PDE6B: variants seen among roughly 807,000 people sequenced by gnomAD.
PDE6B encodes the protein phosphodiesterase 6B.
Under a neutral mutation model 109.0 loss-of-function variants are expected in PDE6B, and 106 were observed. The observed-to-expected ratio is 0.97, with a 90% CI of 0.83 to 1.14. PDE6B has a LOEUF of 1.14. Ranked by LOEUF, PDE6B falls within the 50% of genes most tolerant of loss-of-function variation. The pLI is 0.00. For synonymous variants in PDE6B, 490 were observed against 471.3 expected, an observed-to-expected ratio of 1.04 and a Z score of -0.51; for missense variants, 1,193 against 1,155.6, an observed-to-expected ratio of 1.03 and a Z score of -0.47.
intron 3 of PDE6B, among the ~76,000 whole-genome samples, chr4:650,465 AT>A (rs1305768278): frequency 1.3e-5 from 2 of 152,142 alleles, no homozygotes; most frequent in African/African-American, 4.8e-5. Flanking sequence ...CTCCCCTTCG[AT>A]CTGGAGTTGG....
chr4:662,257 A>T lies in PDE6B; in HGVS notation c.1722+16A>T. The T allele has an allele frequency of 6.9e-7, 1 of 1,443,232 alleles. No homozygotes were observed. The highest frequency in any genetic ancestry group is 9.6e-7 in the Non-Finnish European group (1 of 1,046,728). 89.4% of individuals were successfully genotyped at this position (1,443,232 alleles called of 1,614,324 possible). A position where few individuals can be genotyped will look rare whatever the true frequency, so the allele number is the denominator to read the frequency against. On this transcript the variant is annotated intron_variant, in intron 13 of 21. Coordinates refer to ENST00000496514, the MANE Select transcript of PDE6B (RefSeq NM_000283.4). The surrounding 1 kb of genome is among the most constrained non-coding windows in gnomAD (Gnocchi z 4.3). ...GCTGCTCATGGTACGTGGCTGCCAG[A>T]ATCACCAGGGTTGTGCAGGCCCTCC...
rs1323816291 is a variant in PDE6B, at chr4:653,475, AC to A, written c.712-375del. The A allele has an allele frequency of 5.6e-6, 3 of 536,282 alleles. No individual in the cohort carries two copies. The East Asian group carries it at 1.9e-4, about 33-fold the overall frequency. 33.2% of individuals were successfully genotyped at this position (536,282 alleles called of 1,614,324 possible). A position where few individuals can be genotyped will look rare whatever the true frequency, so the allele number is the denominator to read the frequency against. On this transcript the variant is annotated intron_variant, in intron 3 of 21. Transcript: ENST00000496514. Reference sequence around the variant, plus strand: ...GCCACAGGCGGCCTGACGTGCGGAAACCACGGCCCGATGTTCTCAAAGCCCT... The same window carrying A: ...GCCACAGGCGGCCTGACGTGCGGAAACACGGCCCGATGTTCTCAAAGCCCT...
At chr4:643,840 T>G (rs1560109374) in intron 3 of PDE6B, among the ~76,000 whole-genome samples, 3 of 151,608 alleles carry the variant, frequency 2.0e-5, no homozygotes. Context: ...TACTATAAAT[T>G]TCCCTCCAAG....
chr4:649,782 T>C (rs1408237329), intron 3 of PDE6B, among the ~76,000 whole-genome samples: 2 of 152,126 alleles, frequency 1.3e-5, no homozygotes, highest in African/African-American at 4.8e-5. Flanking sequence ...CTCCACTGGC[T>C]GGGCAGCCAG....
Position 660,521 on chromosome 4 carries a change from G to A in PDE6B, c.1522G>A (p.Asp508Asn), listed in dbSNP as rs1420199358. The A allele has an allele frequency of 6.2e-7, 1 of 1,613,782 alleles. No homozygotes were observed. Among genetic ancestry groups the A allele is most frequent in the Non-Finnish European group, 8.5e-7 (1 of 1,179,798 alleles). Residue 508 changes from aspartate (D) to asparagine (N), a missense_variant, in exon 12 of 22, where the codon GAC becomes AAC. Transcript: ENST00000496514. Reference protein sequence around the residue: ...TFDIYEFHFSDLECTELDLVK... With the variant: ...TFDIYEFHFSNLECTELDLVK... ...TGACATCTACGAATTCCACTTCTCT[G>A]ACCTGGAGTGCACCGAACTGGACCT...
chr4:662,406 G>A lies in PDE6B; in HGVS notation c.1723-103G>A, dbSNP rs1358469471. On this transcript the variant is annotated intron_variant, in intron 13 of 21. Coordinates refer to ENST00000496514, the MANE Select transcript of PDE6B (RefSeq NM_000283.4). The surrounding 1 kb of genome is among the most constrained non-coding windows in gnomAD (Gnocchi z 4.3). ...CGCGCACCCCAGCCCTGCGGTGGTC[G>A]GAGGTCCAACCTCCAACCCGACGCC... The A allele has an allele frequency of 1.5e-5, 13 of 891,514 alleles. No homozygotes were observed. The highest frequency in any genetic ancestry group is 9.4e-5 in the Admixed American group (5 of 52,984). The allele number at this position is 891,514 out of a possible 1,614,324, so 55.2% of individuals were successfully genotyped here. A position where few individuals can be genotyped will look rare whatever the true frequency, so the allele number is the denominator to read the frequency against.
intron 6 of PDE6B, chr4:655,612 C>T (rs1050645039): frequency 1.1e-5 from 5 of 451,484 alleles, no homozygotes; most frequent in Admixed American, 3.5e-5. Context: ...TCCTCCAACC[C>T]ACGCCCTGGC....
chr4:661,072 T>A (rs1215243758), intron 12 of PDE6B: 1 of 180,578 alleles, frequency 5.5e-6, no homozygotes, highest in Non-Finnish European at 1.2e-5. Context: ...GATGGTTGGA[T>A]AAGTGAATGG....
At chr4:649,385 C>T (rs1318090612) in intron 3 of PDE6B, among the ~76,000 whole-genome samples, 1 of 152,108 alleles carries the variant, frequency 6.6e-6, no homozygotes, top group Non-Finnish European at 1.5e-5. Flanking sequence ...CTAGATTTGT[C>T]AAGGCCCTGG....
Position 636,243 on chromosome 4 carries a change from C to T in PDE6B, c.711+274C>T, listed in dbSNP as rs1286590519. ...AGGGGCACCTTTCCTAGAGGCTGCC[C>T]CCAACCTCCTTGGGAGAAGCCAGTA... On this transcript the variant is annotated intron_variant, in intron 3 of 21. Coordinates refer to ENST00000496514, the MANE Select transcript of PDE6B (RefSeq NM_000283.4). This position sits in a 1 kb window ranked among gnomAD's most constrained non-coding sequence, Gnocchi z 4.5. Among the ~76,000 whole-genome samples the T allele has an allele frequency of 6.6e-6, 1 of 152,200 alleles. No individual in the cohort carries two copies. The highest frequency in any genetic ancestry group is 1.5e-5 in the Non-Finnish European group (1 of 68,028).
At chr4:656,756 A>G in intron 8 of PDE6B, 118 bp from the exon 9 acceptor site, 1 of 866,620 alleles carries the variant, frequency 1.2e-6, no homozygotes, top group Non-Finnish European at 1.9e-6. Flanking sequence ...AGAGACAGGA[A>G]CACGAGCCCA....
chr4:658,562 TG>T (rs2109229194), intron 10 of PDE6B, among the ~76,000 whole-genome samples: 1 of 152,138 alleles, frequency 6.6e-6, no homozygotes, highest in African/African-American at 2.4e-5. Flanking sequence ...CTCTGTGTGG[TG>T]GGGACACGGC....
At position 665,160 on chromosome 4, in the gene PDE6B, C is replaced by A; in HGVS notation, c.2194-95C>A. 2 of 984,178 alleles carry A rather than the reference C, an allele frequency of 2.0e-6. No homozygotes were observed. The highest frequency in any genetic ancestry group is 3.2e-6 in the Non-Finnish European group (2 of 618,248). 61.0% of individuals were successfully genotyped at this position (984,178 alleles called of 1,614,324 possible). ...TGGTGGGGACCCCGGGGGTCTGGGG[C>A]GGAGAAGACCGAGGCTCGGAGCCTC... On this transcript the variant is annotated intron_variant, in intron 18 of 21. Transcript: ENST00000496514. This position sits in a 1 kb window ranked among gnomAD's most constrained non-coding sequence, Gnocchi z 4.0.
intron 2 of PDE6B, among the ~76,000 whole-genome samples, chr4:635,313 G>A (rs542584673): frequency 3.7e-5 from 5 of 134,938 alleles, no homozygotes; most frequent in Admixed American, 7.3e-5. Context: ...GCCTGCCCGC[G>A]TGTTCTGTGC....
chr4:660,686 G>A (rs1184638487), intron 12 of PDE6B, 73 bp downstream of exon 12: 1 of 1,350,046 alleles, frequency 7.4e-7, no homozygotes, highest in African/African-American at 1.4e-5. Context: ...ATGTGATCAG[G>A]GCCTCAGGTG....
Position 654,073 on chromosome 4 carries a change from T to C in PDE6B, c.853-7T>C, listed in dbSNP as rs1244005479. 6.2e-7 allele frequency: 1 copy of C among 1,613,890 alleles called. No homozygotes were observed. On this transcript the variant is annotated splice_region_variant and splice_polypyrimidine_tract_variant and intron_variant, in intron 4 of 21. Transcript: ENST00000496514. The stretch of plus-strand genomic sequence containing the variant: ...GACCGCCCCACCCTCACCTCTTCTC[T>C]GCCCAGGAATTTTTTGACGTGTGGT...
At position 662,693 on chromosome 4, in the gene PDE6B, T is replaced by G; in HGVS notation, c.1832+75T>G. 1 of 950,794 alleles carries G rather than the reference T, an allele frequency of 1.1e-6. No homozygotes were observed. The highest frequency in any genetic ancestry group is 1.7e-6 in the Non-Finnish European group (1 of 582,044). The allele number at this position is 950,794 out of a possible 1,614,324, so 58.9% of individuals were successfully genotyped here. On this transcript the variant is annotated intron_variant, in intron 14 of 21. Coordinates refer to ENST00000496514, the MANE Select transcript of PDE6B (RefSeq NM_000283.4). This position sits in a 1 kb window ranked among gnomAD's most constrained non-coding sequence, Gnocchi z 4.3. Reference sequence around the variant, plus strand: ...CCCTTGGCGTGAATTAGGCTTCGCATAGCAGGCTATGTAGAAAGTGGAGTC... The same window carrying G: ...CCCTTGGCGTGAATTAGGCTTCGCAGAGCAGGCTATGTAGAAAGTGGAGTC...
chr4:631,579 G>A (rs549539905), intron 1 of PDE6B, among the ~76,000 whole-genome samples: 9 of 152,286 alleles, frequency 5.9e-5, no homozygotes, highest in East Asian at 1.9e-4. Context: ...GTTATGTTGC[G>A]TGGATCTGTG....
chr4:649,453 C>T (rs1275955153), intron 3 of PDE6B, among the ~76,000 whole-genome samples: 1 of 152,072 alleles, frequency 6.6e-6, no homozygotes, highest in African/African-American at 2.4e-5. Flanking sequence ...TCAGTAGGGC[C>T]GAGGCCCGTC....
Sources: allele counts gnomAD v4.1 joint callset (sites outside exome capture counted in the v4.1 genomes callset), GRCh38; gene constraint gnomAD v4.1.1; non-coding constraint Gnocchi (gnomAD v3.1); transcripts MANE v1.5; gene names NCBI Gene and HGNC (gene_info 2026-07-23, HGNC 2026-07-21).